The following ZNF484 variants were observed in gnomAD, a reference collection of about 807,000 sequenced individuals.
ZNF484 encodes the protein KRAB box containing C2H2 type zinc finger bA526D8.4.
A neutral mutation model predicts 12.9 loss-of-function variants in ZNF484; 11 were observed. The ratio of observed to expected loss-of-function variants is 0.85; its 90% CI spans 0.54 to 1.41. The LOEUF is 1.41. Among genes scored for constraint, ZNF484 ranks in the 40% most tolerant of loss-of-function variants. ZNF484 has a pLI of 0.00. For synonymous variants in ZNF484, 289 were observed against 334.1 expected, an observed-to-expected ratio of 0.86 and a Z score of 1.47; for missense variants, 807 against 1,007.7, an observed-to-expected ratio of 0.80 and a Z score of 2.70.
chr9:92,850,081 G>A (rs1222062383), intron 4 of ZNF484, among the ~76,000 whole-genome samples: 3 of 152,158 alleles, frequency 2.0e-5, no homozygotes, highest in East Asian at 3.9e-4. Context: ...GATTACAGGC[G>A]TAAGCCAGCA....
chr9:92,850,644 C>T (rs62572368), intron 4 of ZNF484, among the ~76,000 whole-genome samples: 7,644 of 152,200 alleles, frequency 0.05, 236 homozygotes, highest in Middle Eastern at 0.065. Context: ...AGTGCAATGG[C>T]GCGATCTCGG....
At position 92,856,148 on chromosome 9, in the gene ZNF484, C is replaced by T. The variant is rs778696855; in HGVS notation, c.142+44G>A. 2.5e-6 allele frequency: 4 copies of T among 1,602,350 alleles called. No individual in the cohort carries two copies. The East Asian group carries it at 6.7e-5, about 27-fold the overall frequency. ...ATTCTACTGAGAAGAAAAATATACT[C>T]AATTAGGTGCAGCCTACTCTATACC... is the stretch of plus-strand genomic sequence containing the variant. On this transcript the variant is annotated intron_variant, in intron 3 of 4. Transcript: ENST00000375495.
chr9:92,861,821 G>A (rs947366996), intron 2 of ZNF484, among the ~76,000 whole-genome samples: 2 of 152,126 alleles, frequency 1.3e-5, no homozygotes, highest in African/African-American at 4.8e-5. Context: ...AGGCATAAAT[G>A]TACAGATTCA....
chr9:92,873,551 C>A (rs1355891248), intron 2 of ZNF484, among the ~76,000 whole-genome samples: 3 of 152,146 alleles, frequency 2.0e-5, no homozygotes, highest in Admixed American at 2.0e-4. Context: ...AATCTCTAGG[C>A]CCAGACAGTT....
Position 92,848,937 on chromosome 9 carries a change from A to T in ZNF484, c.236-386T>A, listed in dbSNP as rs1295263663. On this transcript the variant is annotated intron_variant, in intron 4 of 4. Transcript: ENST00000375495. The surrounding 1 kb of genome is among the most constrained non-coding windows in gnomAD (Gnocchi z 4.1). ...AATAAATAAATAAATAAATAAATAA[A>T]TAAATAAATAAATAAATAAAAATAC... is the stretch of plus-strand genomic sequence containing the variant. Among the ~76,000 whole-genome samples, 1 of 150,718 alleles carries T rather than the reference A, an allele frequency of 6.6e-6. No homozygotes were observed. The highest frequency in any genetic ancestry group is 2.4e-5 in the African/African-American group (1 of 41,082).
intron 2 of ZNF484, among the ~76,000 whole-genome samples, chr9:92,874,577 G>T (rs1857678675): frequency 6.6e-6 from 1 of 152,040 alleles, no homozygotes; most frequent in Admixed American, 6.6e-5. Flanking sequence ...CTCCCAAAGT[G>T]CTGGGACTAC....
chr9:92,850,002 A>G (rs973636918), intron 4 of ZNF484, among the ~76,000 whole-genome samples: 3 of 152,130 alleles, frequency 2.0e-5, no homozygotes, highest in Non-Finnish European at 4.4e-5. Context: ...GGGATTCACC[A>G]TGTTGGCCAG....
Position 92,848,558 on chromosome 9 carries a change from A to G in ZNF484, c.236-7T>C. On this transcript the variant is annotated splice_region_variant and splice_polypyrimidine_tract_variant and intron_variant, in intron 4 of 4. Coordinates refer to ENST00000375495, the MANE Select transcript of ZNF484 (RefSeq NM_031486.4). This position sits in a 1 kb window ranked among gnomAD's most constrained non-coding sequence, Gnocchi z 4.1. ...CCAAAACCAATGTCCCCATCTAAAA[A>G]AGAAAGAAAAGATAAGACTGACAAA... The G allele has an allele frequency of 1.3e-6, 2 of 1,560,480 alleles. No homozygotes were observed. Among genetic ancestry groups the G allele is most frequent in the Non-Finnish European group, 1.7e-6 (2 of 1,163,684 alleles).
Position 92,846,987 on chromosome 9 carries a change from TC to T in ZNF484, c.1799del (p.Arg600LysfsTer108). ...CATAGGGTTTCTCTCCAGTATGAAT[TC>T]TCTCATGTGTAATAAAATGGGATTT... ...FHKSHFITHE[R>X]IHTGEKPYEC... On this transcript the variant is annotated frameshift_variant, in exon 5 of 5. Transcript: ENST00000375495. LOFTEE classifies it low-confidence loss of function (END_TRUNC). The T allele has an allele frequency of 6.2e-7, 1 of 1,614,154 alleles. No homozygotes were observed. Among genetic ancestry groups the T allele is most frequent in the Non-Finnish European group, 8.5e-7 (1 of 1,180,022 alleles).
At chr9:92,853,716 TTG>T (rs1384176386) in intron 4 of ZNF484, among the ~76,000 whole-genome samples, 3 of 152,194 alleles carry the variant, frequency 2.0e-5, no homozygotes, top group Non-Finnish European at 4.4e-5. Context: ...AAGTGCATAC[TTG>T]CCAGCAGGCA....
rs773692043 is a variant in ZNF484 at position 92,846,365 on chromosome 9, C to T, written c.2422G>A (p.Asp808Asn). 7 of 1,614,148 alleles carry T rather than the reference C, an allele frequency of 4.3e-6. No homozygotes were observed. The highest frequency in any genetic ancestry group is 5.1e-6 in the Non-Finnish European group (6 of 1,180,008). The change falls in exon 5 of 5, where the codon GAC becomes AAC. Residue 808 changes from aspartate (D) to asparagine (N), a missense_variant. Physicochemically the swap from Asp to Asn is conservative, Grantham distance 23. Coordinates refer to ENST00000375495, the MANE Select transcript of ZNF484 (RefSeq NM_031486.4). ...TTCCAGTTTAAGGCTTTCCCCAAGT[C>T]ACTGCACTTATAGGGTTTCTGTTTA... The part of the protein sequence containing the change: ...HTKQKPYKCS[D>N]LGKALNWKPQ...
intron 2 of ZNF484, among the ~76,000 whole-genome samples, chr9:92,858,354 G>GA (rs1206776921): frequency 6.6e-6 from 1 of 150,678 alleles, no homozygotes; most frequent in Non-Finnish European, 1.5e-5. Context: ...TTTTTTTAAA[G>GA]AAAAAAACAT....
intron 4 of ZNF484, among the ~76,000 whole-genome samples, chr9:92,854,147 A>T (rs1349444856): frequency 6.6e-6 from 1 of 152,204 alleles, no homozygotes; most frequent in Non-Finnish European, 1.5e-5. Context: ...GTTGAACATC[A>T]AAAATGAAGG....
Position 92,848,769 on chromosome 9 carries a change from G to A in ZNF484, c.236-218C>T, listed in dbSNP as rs1459250225. Among the ~76,000 whole-genome samples, 2 of 151,830 alleles carry A rather than the reference G, an allele frequency of 1.3e-5. No homozygotes were observed. The highest frequency in any genetic ancestry group is 2.9e-5 in the Non-Finnish European group (2 of 67,966). On this transcript the variant is annotated intron_variant, in intron 4 of 4. Transcript: ENST00000375495. The surrounding 1 kb of genome is among the most constrained non-coding windows in gnomAD (Gnocchi z 4.1). Reference sequence around the variant, plus strand: ...TGTCTCTACTAAAAATTAGCCAGGCGTGGTGGTACATGCCTGTAATTCCAG... The same window carrying A: ...TGTCTCTACTAAAAATTAGCCAGGCATGGTGGTACATGCCTGTAATTCCAG...
At chr9:92,871,498 T>TG (rs1475435107) in intron 2 of ZNF484, among the ~76,000 whole-genome samples, 2 of 152,186 alleles carry the variant, frequency 1.3e-5, no homozygotes, top group African/African-American at 4.8e-5. Context: ...GAGAAAGGGA[T>TG]GGGGGCTGAA....
At chr9:92,851,501 A>G (rs1452606472) in intron 4 of ZNF484, among the ~76,000 whole-genome samples, 1 of 152,246 alleles carries the variant, frequency 6.6e-6, no homozygotes, top group East Asian at 1.9e-4. Flanking sequence ...CAGTTGTGAC[A>G]GTAGCCATAT....
intron 4 of ZNF484, among the ~76,000 whole-genome samples, chr9:92,852,434 C>G (rs1856153077): frequency 6.6e-6 from 1 of 151,934 alleles, no homozygotes; most frequent in Admixed American, 6.6e-5. Flanking sequence ...GCTGGGACTA[C>G]AGGCGCCTGC....
chr9:92,862,918 A>G lies in ZNF484; in HGVS notation c.16-6600T>C, dbSNP rs544029895. Reference sequence around the variant, plus strand: ...TGACCCAGCAATCCCATTACTGGTTATATACCCAAAGGAATATAAATCATT... The same window carrying G: ...TGACCCAGCAATCCCATTACTGGTTGTATACCCAAAGGAATATAAATCATT... On this transcript the variant is annotated intron_variant, in intron 2 of 4. Coordinates refer to ENST00000375495, the MANE Select transcript of ZNF484 (RefSeq NM_031486.4). Among the ~76,000 whole-genome samples the G allele has an allele frequency of 1.4e-3, 216 of 152,300 alleles. 1 individual carries two copies. Among genetic ancestry groups the G allele is most frequent in the African/African-American group, 4.9e-3 (205 of 41,546 alleles).
intron 2 of ZNF484, among the ~76,000 whole-genome samples, chr9:92,863,266 G>C: frequency 8.3e-6 from 1 of 119,878 alleles, no homozygotes; most frequent in Non-Finnish European, 1.7e-5. Flanking sequence ...GGGCCTGTTG[G>C]GGAAGGGTGG....
Sources: gnomAD v4.1 joint callset for allele counts (sites outside exome capture counted in the v4.1 genomes callset) on GRCh38, gnomAD v4.1.1 for gene constraint, Gnocchi (gnomAD v3.1) non-coding constraint, MANE v1.5 for transcripts, NCBI Gene and HGNC (gene_info 2026-07-23, HGNC 2026-07-21) for gene names.